Variants in TMEM117 observed in about 807,000 individuals in gnomAD.
TMEM117 encodes transmembrane protein 117.
In TMEM117, 27 loss-of-function variants were observed where a neutral mutation model predicts 52.4. The observed-to-expected ratio is 0.51, with a 90% CI of 0.38 to 0.71. The LOEUF (loss-of-function observed/expected upper bound fraction) is 0.71. Among genes scored for constraint, TMEM117 ranks in the 30% least tolerant of loss-of-function variants. The probability of loss-of-function intolerance (pLI) is 0.00; values close to 1 mark genes in which losing one functional copy is unlikely to be tolerated. For missense variants in TMEM117, 556 were observed against 630.5 expected (o/e 0.88, Z 1.26); for synonymous variants, 215 against 206.3 (o/e 1.04, Z -0.36).
chr12:44,277,472 A>G (rs1950528405), intron 5 of TMEM117, among the ~76,000 whole-genome samples: 2 of 152,284 alleles, frequency 1.3e-5, no homozygotes, highest in East Asian at 1.9e-4. Flanking sequence ...TTGTTGAGAC[A>G]TGGCTGGGTC....
intron 5 of TMEM117, among the ~76,000 whole-genome samples, chr12:44,286,145 A>G (rs1393668440): frequency 6.6e-6 from 1 of 152,042 alleles, no homozygotes; most frequent in East Asian, 1.9e-4. Flanking sequence ...GCATTCCAAC[A>G]TTTTAACATT....
chr12:44,215,731 A>ATTTT (rs755884616), intron 5 of TMEM117, among the ~76,000 whole-genome samples: 8 of 145,748 alleles, frequency 5.5e-5, no homozygotes, highest in South Asian at 4.2e-4. Context: ...GCTTTTTTTA[A>ATTTT]AAAAAAAAAA....
intron 4 of TMEM117, among the ~76,000 whole-genome samples, chr12:44,171,571 C>T (rs1159584917): frequency 6.6e-6 from 1 of 152,088 alleles, no homozygotes; most frequent in Non-Finnish European, 1.5e-5. Context: ...CCTCTGAATA[C>T]ATTGAGCCAA....
At chr12:44,039,258 G>A (rs79768723) in intron 3 of TMEM117, among the ~76,000 whole-genome samples, 4,352 of 151,872 alleles carry the variant, frequency 0.029, 90 homozygotes, top group Non-Finnish European at 0.043. Context: ...GCTATCTCTG[G>A]CATATCAATT....
chr12:44,273,285 C>A (rs1950471968), intron 5 of TMEM117, among the ~76,000 whole-genome samples: 1 of 151,872 alleles, frequency 6.6e-6, no homozygotes, highest in African/African-American at 2.4e-5. Flanking sequence ...TTAATGGGTG[C>A]AGCACACCAA....
chr12:44,287,496 A>C (rs887237643), intron 5 of TMEM117, among the ~76,000 whole-genome samples: 1 of 152,224 alleles, frequency 6.6e-6, no homozygotes, highest in African/African-American at 2.4e-5. Flanking sequence ...GATGGCCAAC[A>C]TCCATGAGGT....
At chr12:44,253,877 C>CACACA in intron 5 of TMEM117, among the ~76,000 whole-genome samples, 2 of 148,382 alleles carry the variant, frequency 1.3e-5, no homozygotes, top group African/African-American at 2.5e-5. Context: ...CACACACACA[C>CACACA]CTTCTCTCTC....
chr12:43,853,749 T>A (rs1943351622), intron 2 of TMEM117, among the ~76,000 whole-genome samples: 1 of 152,294 alleles, frequency 6.6e-6, no homozygotes, highest in Middle Eastern at 3.4e-3. Flanking sequence ...GAGTATCAAA[T>A]GAATAGTATG....
chr12:43,852,258 C>T (rs911480386), intron 2 of TMEM117, among the ~76,000 whole-genome samples: 3 of 152,190 alleles, frequency 2.0e-5, no homozygotes, highest in East Asian at 1.9e-4. Context: ...GGTGAAACCC[C>T]GTCTCTACTA....
intron 3 of TMEM117, among the ~76,000 whole-genome samples, chr12:44,003,374 C>T (rs2137784305): frequency 6.6e-6 from 1 of 152,312 alleles, no homozygotes; most frequent in African/African-American, 2.4e-5. Flanking sequence ...TGTGCCTCAG[C>T]CACCGCAAAC....
intron 5 of TMEM117, among the ~76,000 whole-genome samples, chr12:44,295,676 T>C (rs1950759118): frequency 6.8e-6 from 1 of 146,714 alleles, no homozygotes; most frequent in African/African-American, 2.7e-5. Context: ...CCAGGATTTC[T>C]GTTTTTTTTT....
At chr12:44,002,583 C>T (rs61285473) in intron 3 of TMEM117, among the ~76,000 whole-genome samples, 4,851 of 152,258 alleles carry the variant, frequency 0.032, 172 homozygotes, top group African/African-American at 0.086. Flanking sequence ...GAGTTTGCTT[C>T]CCAAAGCTGA....
intron 2 of TMEM117, among the ~76,000 whole-genome samples, chr12:43,886,889 C>A (rs1371625170): frequency 2.0e-5 from 3 of 152,258 alleles, no homozygotes; most frequent in African/African-American, 7.2e-5. Flanking sequence ...TCTCTCTTGT[C>A]TAGACTGGTG....
At chr12:44,208,701 C>CAGCT (rs1949603651) in intron 4 of TMEM117, among the ~76,000 whole-genome samples, 1 of 145,208 alleles carries the variant, frequency 6.9e-6, no homozygotes, top group Non-Finnish European at 1.5e-5. Flanking sequence ...TGGCAAAGAT[C>CAGCT]AGCTGCCTGG....
At chr12:44,384,640 G>A (rs1952064267) in intron 7 of TMEM117, among the ~76,000 whole-genome samples, 1 of 152,068 alleles carries the variant, frequency 6.6e-6, no homozygotes, top group Non-Finnish European at 1.5e-5. Flanking sequence ...TGGATAACTG[G>A]TCCCATGTCA....
intron 2 of TMEM117, among the ~76,000 whole-genome samples, chr12:43,933,218 T>C (rs144910822): frequency 7.4e-4 from 113 of 152,108 alleles, no homozygotes; most frequent in African/African-American, 2.4e-3. Flanking sequence ...TTTTTTTTTT[T>C]CGAGACGGAG....
At chr12:44,301,692 T>TA (rs2138646096) in intron 6 of TMEM117, among the ~76,000 whole-genome samples, 1 of 152,298 alleles carries the variant, frequency 6.6e-6, no homozygotes, top group South Asian at 2.1e-4. Flanking sequence ...TTCCATCTCT[T>TA]ATCTTTTTTG....
chr12:44,302,451 C>T (rs1950852700), intron 6 of TMEM117, among the ~76,000 whole-genome samples: 2 of 152,202 alleles, frequency 1.3e-5, no homozygotes, highest in Non-Finnish European at 2.9e-5. Context: ...CAGATTGTGC[C>T]TTTTCTGTTC....
At chr12:44,156,851 T>G (rs1362696263) in intron 4 of TMEM117, among the ~76,000 whole-genome samples, 1 of 152,070 alleles carries the variant, frequency 6.6e-6, no homozygotes, top group Non-Finnish European at 1.5e-5. Flanking sequence ...ATATAAGTGC[T>G]CAGTAAATGT....
Sources: allele counts gnomAD v4.1 joint callset (sites outside exome capture counted in the v4.1 genomes callset), GRCh38; gene constraint gnomAD v4.1.1; transcripts MANE v1.5; gene names NCBI Gene and HGNC (gene_info 2026-07-23, HGNC 2026-07-21).